LZTFL1: variants seen among roughly 807,000 people sequenced by gnomAD.
LZTFL1 encodes the protein leucine zipper transcription factor like 1.
LZTFL1 carries 25 observed loss-of-function variants against 45.9 expected under a neutral mutation model. The observed-to-expected ratio is 0.54, with a 90% CI of 0.40 to 0.76. The LOEUF (loss-of-function observed/expected upper bound fraction) is 0.76, where lower values mean the gene tolerates loss of function less well. Ranked by LOEUF, LZTFL1 falls within the 30% of genes least tolerant of loss-of-function variation. The pLI, the probability that LZTFL1 is intolerant of heterozygous loss-of-function variation, is 0.00. For missense variants in LZTFL1, 277 were observed against 331.1 expected (o/e 0.84, Z 1.27); for synonymous variants, 93 against 117.4 (o/e 0.79, Z 1.35).
Position 45,900,962 on chromosome 3 carries a change from G to A in LZTFL1, c.-215+12158C>T. 1 of 1,614,210 alleles carries A rather than the reference G, an allele frequency of 6.2e-7. No homozygotes were observed. On this transcript the variant is annotated intron_variant, in intron 2 of 4. Transcript: ENST00000472635. The surrounding 1 kb of genome is among the most constrained non-coding windows in gnomAD (Gnocchi z 4.7). ...TCCTCCCACCCTTGTACTGGCTCGT[G>A]TTCATCGTGGGTGCCTTGGGCAACA...
intron 2 of LZTFL1, among the ~76,000 whole-genome samples, chr3:45,892,155 A>C (rs9834860): frequency 0.51 from 78,165 of 151,994 alleles, 23,277 homozygotes; most frequent in African/African-American, 0.83. Flanking sequence ...GCAGACAGAG[A>C]CAGGAAATAT....
At chr3:45,903,095 T>C (rs1228496543) in intron 2 of LZTFL1, 1 of 167,142 alleles carries the variant, frequency 6.0e-6, no homozygotes, top group Non-Finnish European at 1.5e-5. Flanking sequence ...AATGTGTATA[T>C]GAAGCATTAA....
chr3:45,870,577 C>T (rs960501334), intron 2 of LZTFL1, among the ~76,000 whole-genome samples: 10 of 152,138 alleles, frequency 6.6e-5, no homozygotes, highest in South Asian at 2.1e-4. Flanking sequence ...TTTATAATAA[C>T]GTCTAAAGAG....
At chr3:45,854,956 A>G in intron 4 of LZTFL1, 1 of 1,451,810 alleles carries the variant, frequency 6.9e-7, no homozygotes, top group Non-Finnish European at 9.3e-7. Context: ...AAACATAATT[A>G]TAATATGTCA....
intron 4 of LZTFL1, 22 bp downstream of exon 4, chr3:45,834,216 T>A (rs1197370988): frequency 6.7e-7 from 1 of 1,501,258 alleles, no homozygotes; most frequent in Admixed American, 1.7e-5. Flanking sequence ...AAGATATGGA[T>A]TTAGAATGAC....
In LZTFL1 at chr3:45,851,837, C is replaced by A. The variant is rs907568271; in HGVS notation, c.-49+3149G>T. ...CACTCCAGCCTGGGTGACCCTGTCT[C>A]TCATTTTTTTTTTGTTCTTGTTCCC... On this transcript the variant is annotated intron_variant, in intron 4 of 4. Coordinates refer to the LZTFL1 transcript ENST00000472635. Among the ~76,000 whole-genome samples, 79 of 74,054 alleles carry A rather than the reference C, an allele frequency of 1.1e-3. 1 individual carries two copies. The highest frequency in any genetic ancestry group is 8.7e-5 in the Non-Finnish European group (3 of 34,342). The allele number at this position is 74,054 out of a possible 152,430, so 48.6% of individuals were successfully genotyped here. A position where few individuals can be genotyped will look rare whatever the true frequency, so the allele number is the denominator to read the frequency against.
intron 2 of LZTFL1, among the ~76,000 whole-genome samples, chr3:45,895,491 A>G (rs1575299828): frequency 2.0e-5 from 3 of 152,180 alleles, no homozygotes; most frequent in Non-Finnish European, 4.4e-5. Context: ...CGGGCGGATC[A>G]CCTGGCCAAG....
At chr3:45,911,286 T>A (rs1200179779) in intron 2 of LZTFL1, among the ~76,000 whole-genome samples, 1 of 152,210 alleles carries the variant, frequency 6.6e-6, no homozygotes, top group Non-Finnish European at 1.5e-5. Context: ...AATTAACTCA[T>A]CTTTCAATGA....
At chr3:45,840,530 T>C (rs185946514) in intron 1 of LZTFL1, among the ~76,000 whole-genome samples, 74 of 152,346 alleles carry the variant, frequency 4.9e-4, no homozygotes, top group African/African-American at 1.7e-3. Context: ...GTAGATATGA[T>C]GATCAGTCCT....
intron 2 of LZTFL1, among the ~76,000 whole-genome samples, chr3:45,837,597 T>A (rs1396452719): frequency 6.6e-6 from 1 of 152,246 alleles, no homozygotes; most frequent in Non-Finnish European, 1.5e-5. Flanking sequence ...ACCATTTAAT[T>A]AATAACTCAA....
At chr3:45,837,342 T>G (rs180877817) in intron 2 of LZTFL1, among the ~76,000 whole-genome samples, 383 of 152,326 alleles carry the variant, frequency 2.5e-3, no homozygotes, top group Non-Finnish European at 4.7e-3. Context: ...CCTCTAATAC[T>G]GAGACATTCA....
At chr3:45,827,489 TA>T in intron 8 of LZTFL1, 30 bp from the exon 9 acceptor site, 3 of 1,369,204 alleles carry the variant, frequency 2.2e-6, no homozygotes, top group South Asian at 1.2e-5. Context: ...AGCCCATTAC[TA>T]AAAAAATAGT....
intron 2 of LZTFL1, chr3:45,883,818 G>A: frequency 1.9e-6 from 1 of 533,714 alleles, no homozygotes; most frequent in Admixed American, 2.6e-5. Context: ...TGAAGAGTGA[G>A]AGTTGCAGCC....
intron 2 of LZTFL1, among the ~76,000 whole-genome samples, chr3:45,866,408 G>A (rs1001554986): frequency 6.6e-6 from 1 of 152,082 alleles, no homozygotes; most frequent in Non-Finnish European, 1.5e-5. Context: ...AAAGAAAACC[G>A]TTAACATTTT....
chr3:45,902,007 G>A, intron 2 of LZTFL1: 1 of 923,976 alleles, frequency 1.1e-6, no homozygotes, highest in Non-Finnish European at 1.6e-6. Flanking sequence ...AACTCAGAAA[G>A]GGATGAATCT....
chr3:45,892,202 G>GTCTA (rs899144863), intron 2 of LZTFL1, among the ~76,000 whole-genome samples: 8 of 152,086 alleles, frequency 5.3e-5, no homozygotes, highest in Admixed American at 5.2e-4. Context: ...TATACAAATT[G>GTCTA]TCTATCTATC....
chr3:45,903,072 A>C (rs199657917), intron 2 of LZTFL1: 17 of 167,084 alleles, frequency 1.0e-4, no homozygotes, highest in Non-Finnish European at 2.2e-4. Context: ...CACATATTGG[A>C]AAAGTGCTTT....
chr3:45,841,903 C>A, intron 1 of LZTFL1, 86 bp downstream of exon 1: 2 of 1,528,848 alleles, frequency 1.3e-6, no homozygotes, highest in South Asian at 2.3e-5. Context: ...GCCACGTAAT[C>A]ATTCCGGGCC....
exon 4 of LZTFL1, chr3:45,855,007 G>A: frequency 6.5e-7 from 1 of 1,534,730 alleles, no homozygotes; most frequent in South Asian, 1.2e-5. Context: ...CTGGAACTTA[G>A]CCCAGCTTCT....
Sources: gnomAD v4.1 joint callset for allele counts (sites outside exome capture counted in the v4.1 genomes callset) on GRCh38, gnomAD v4.1.1 for gene constraint, Gnocchi (gnomAD v3.1) non-coding constraint, MANE v1.5 for transcripts, NCBI Gene and HGNC (gene_info 2026-07-23, HGNC 2026-07-21) for gene names.